Variants in HDAC9 observed in about 807,000 individuals in gnomAD.
The protein encoded by HDAC9 is histone deacetylase 9.
A neutral mutation model predicts 139.4 loss-of-function variants in HDAC9; 41 were observed. The observed-to-expected ratio is 0.29, with a 90% confidence interval of 0.23 to 0.38. The LOEUF (loss-of-function observed/expected upper bound fraction) is 0.38. Ranked by LOEUF, HDAC9 falls within the 10% of genes least tolerant of loss-of-function variation. The pLI is 1.00. For synonymous variants in HDAC9, 517 were observed against 476.2 expected (o/e 1.09, Z -1.12); for missense variants, 1,147 against 1,297.0 (o/e 0.88, Z 1.78).
chr7:18,340,291 A>G (rs988094918), intron 1 of HDAC9, among the ~76,000 whole-genome samples: 2 of 151,570 alleles, frequency 1.3e-5, no homozygotes, highest in African/African-American at 4.8e-5. Flanking sequence ...AAGGCTGCAT[A>G]TAATTGGATT....
chr7:18,375,612 G>A (rs1191975237), intron 1 of HDAC9, among the ~76,000 whole-genome samples: 3 of 152,198 alleles, frequency 2.0e-5, no homozygotes, highest in Non-Finnish European at 2.9e-5. Context: ...CTGCACACTG[G>A]CACTTCGCTG....
At chr7:18,221,245 A>T (rs1477394049) in intron 2 of HDAC9, among the ~76,000 whole-genome samples, 1 of 151,884 alleles carries the variant, frequency 6.6e-6, no homozygotes. Flanking sequence ...AGCCGAGATT[A>T]CAGGGGCCCG....
At chr7:18,872,677 T>C (rs1383980096) in intron 21 of HDAC9, among the ~76,000 whole-genome samples, 1 of 152,136 alleles carries the variant, frequency 6.6e-6, no homozygotes, top group Non-Finnish European at 1.5e-5. Flanking sequence ...GTTCTAAAAT[T>C]ATGTGGGCAA....
intron 1 of HDAC9, among the ~76,000 whole-genome samples, chr7:18,103,035 C>CA (rs1403852799): frequency 6.6e-6 from 1 of 152,170 alleles, no homozygotes; most frequent in African/African-American, 2.4e-5. Flanking sequence ...TTAAGGGACT[C>CA]ACAGTTCCAC....
intron 6 of HDAC9, among the ~76,000 whole-genome samples, chr7:18,611,356 G>A (rs1280040368): frequency 6.6e-6 from 1 of 152,010 alleles, no homozygotes; most frequent in East Asian, 1.9e-4. Context: ...TAATTTTGAA[G>A]AAAATTAATG....
chr7:18,809,228 A>T (rs986805735), intron 17 of HDAC9, among the ~76,000 whole-genome samples: 2 of 152,112 alleles, frequency 1.3e-5, no homozygotes, highest in Non-Finnish European at 2.9e-5. Flanking sequence ...ACATGAAACT[A>T]TAAAACTACT....
intron 2 of HDAC9, among the ~76,000 whole-genome samples, chr7:18,252,351 A>G (rs142962963): frequency 2.0e-5 from 3 of 152,280 alleles, no homozygotes; most frequent in African/African-American, 7.2e-5. Flanking sequence ...TTCATGGGTA[A>G]CAGATGCACC....
At chr7:18,662,940 A>C (rs1001525585) in intron 11 of HDAC9, among the ~76,000 whole-genome samples, 2 of 152,060 alleles carry the variant, frequency 1.3e-5, no homozygotes, top group African/African-American at 4.8e-5. Flanking sequence ...AGTATTGACC[A>C]AGGTTAGAAG....
chr7:18,592,325 T>C (rs1017904662), intron 5 of HDAC9, among the ~76,000 whole-genome samples: 1 of 152,102 alleles, frequency 6.6e-6, no homozygotes, highest in East Asian at 1.9e-4. Flanking sequence ...CACTGTGGTA[T>C]TGTGGTTTTT....
intron 1 of HDAC9, among the ~76,000 whole-genome samples, chr7:18,297,953 C>T (rs568633235): frequency 1.3e-5 from 2 of 152,262 alleles, no homozygotes; most frequent in South Asian, 2.1e-4. Flanking sequence ...TCACTCTGCC[C>T]TTTCTTCTCT....
chr7:18,852,078 G>C (rs942582771), intron 21 of HDAC9, among the ~76,000 whole-genome samples: 4 of 152,164 alleles, frequency 2.6e-5, no homozygotes, highest in African/African-American at 9.7e-5. Context: ...CTGGCTGCTT[G>C]ATCAGTGTCT....
At chr7:18,812,491 A>G (rs866919669) in intron 17 of HDAC9, among the ~76,000 whole-genome samples, 1 of 152,016 alleles carries the variant, frequency 6.6e-6, no homozygotes, top group Non-Finnish European at 1.5e-5. Context: ...CTCTAAAGAT[A>G]TATTTTCAAT....
intron 2 of HDAC9, among the ~76,000 whole-genome samples, chr7:18,214,155 T>C (rs1259555369): frequency 6.6e-6 from 1 of 152,156 alleles, no homozygotes; most frequent in East Asian, 1.9e-4. Context: ...GATAAGGATG[T>C]CACTATTAAT....
chr7:18,713,625 C>G (rs924475975), intron 12 of HDAC9, among the ~76,000 whole-genome samples: 1 of 151,722 alleles, frequency 6.6e-6, no homozygotes, highest in Non-Finnish European at 1.5e-5. Context: ...GGCATTTATG[C>G]AAGAAGATTT....
intron 22 of HDAC9, among the ~76,000 whole-genome samples, chr7:18,908,525 A>G (rs1802471944): frequency 6.6e-6 from 1 of 152,044 alleles, no homozygotes; most frequent in Non-Finnish European, 1.5e-5. Context: ...CTATTAACCA[A>G]CCTTTTCCTA....
chr7:18,308,068 A>G (rs931823714), intron 1 of HDAC9, among the ~76,000 whole-genome samples: 7 of 152,228 alleles, frequency 4.6e-5, no homozygotes. Context: ...AAGTGTTACA[A>G]ATATAAAAAT....
At position 18,872,404 on chromosome 7, in the gene HDAC9, G is replaced by C. The variant is rs149954719; in HGVS notation, c.2685-2074G>C. On this transcript the variant is annotated intron_variant, in intron 21 of 25. Transcript: ENST00000686413. The stretch of plus-strand genomic sequence containing the variant: ...TATATTCAGAGATATGTGGCATAGA[G>C]AGCTATAGTTCCCCTGTAAGTGGGT... Among the ~76,000 whole-genome samples, 47 of 152,220 alleles carry C rather than the reference G, an allele frequency of 3.1e-4. No individual in the cohort carries two copies. In the East Asian group the frequency reaches 9.1e-3, roughly 29 times the overall value.
chr7:18,732,385 A>G (rs1786139952), intron 13 of HDAC9, among the ~76,000 whole-genome samples: 1 of 152,050 alleles, frequency 6.6e-6, no homozygotes, highest in Non-Finnish European at 1.5e-5. Flanking sequence ...AATAGAATAA[A>G]GAAAAGTGAT....
intron 22 of HDAC9, among the ~76,000 whole-genome samples, chr7:18,881,623 T>G (rs1214631040): frequency 2.6e-5 from 4 of 152,120 alleles, no homozygotes; most frequent in Middle Eastern, 3.2e-3. Context: ...TTTTCCACAT[T>G]ATCAAAATCT....
Sources: allele counts gnomAD v4.1 joint callset (sites outside exome capture counted in the v4.1 genomes callset), GRCh38; gene constraint gnomAD v4.1.1; transcripts MANE v1.5; gene names NCBI Gene and HGNC (gene_info 2026-07-23, HGNC 2026-07-21).